The following KLF4 variants were observed in gnomAD, a reference collection of about 807,000 sequenced individuals.
KLF4 encodes KLF transcription factor 4.
In KLF4, 14 loss-of-function variants were observed where a neutral mutation model predicts 38.0. That is an observed-to-expected ratio of 0.37 (90% CI 0.24 to 0.58). The LOEUF (loss-of-function observed/expected upper bound fraction) is 0.58, where lower values mean the gene tolerates loss of function less well. KLF4 is among the 20% of genes least tolerant of loss of function. KLF4 has a pLI of 0.76. For synonymous variants in KLF4, 398 were observed against 302.5 expected, an observed-to-expected ratio of 1.32 and a Z score of -3.28; for missense variants, 737 against 670.1, an observed-to-expected ratio of 1.10 and a Z score of -1.10.
In KLF4 at chr9:107,489,530, G is replaced by T. The variant is rs1344795194; in HGVS notation, c.-358C>A. On this transcript the variant is annotated 5_prime_UTR_variant, in exon 1 of 5. The change creates a new upstream start codon in the 5' untranslated region. Coordinates refer to ENST00000374672, the MANE Select transcript of KLF4 (RefSeq NM_004235.6). The stretch of plus-strand genomic sequence containing the variant: ...GGGCGGTGGGCGGGCGGTGCCGCCA[G>T]GTGAGACTGGCTGCCGTGGCGCGGA... The T allele has an allele frequency of 1.5e-5, 4 of 271,736 alleles. No homozygotes were observed. The highest frequency in any genetic ancestry group is 2.2e-5 in the African/African-American group (1 of 45,994). 16.8% of individuals were successfully genotyped at this position (271,736 alleles called of 1,614,324 possible).
rs1587921059 is a variant in KLF4 at position 107,487,308 on chromosome 9, C to T, written c.1086G>A (p.Pro362=). Residue 362 remains proline (P), a synonymous_variant, in exon 3 of 5, where the codon CCG becomes CCA. Coordinates refer to ENST00000374672, the MANE Select transcript of KLF4 (RefSeq NM_004235.6). This position sits in a 1 kb window ranked among gnomAD's most constrained non-coding sequence, Gnocchi z 6.1. Reference sequence around the variant, plus strand: ...CCCGGGACTGACCTTGGTAATGGAGCGGCGGGACTTGCGGCTGCATCTGAT... The same window carrying T: ...CCCGGGACTGACCTTGGTAATGGAGTGGCGGGACTTGCGGCTGCATCTGAT... ...LPDQMQPQVP[P]LHYQELMPPG... The T allele has an allele frequency of 6.3e-7, 1 of 1,576,914 alleles. No homozygotes were observed. The highest frequency in any genetic ancestry group is 1.2e-5 in the South Asian group (1 of 84,488).
In KLF4 at chr9:107,488,748, C is replaced by T. The variant is rs1829136286; in HGVS notation, c.126+182G>A. ...GCCCCAGGCGGCTCCGCAGTGCTCG[C>T]ACCACGGGCATACACAGCTGAGCCA... On this transcript the variant is annotated intron_variant, in intron 2 of 4. Coordinates refer to ENST00000374672, the MANE Select transcript of KLF4 (RefSeq NM_004235.6). The surrounding 1 kb of genome is among the most constrained non-coding windows in gnomAD (Gnocchi z 5.7). Among the ~76,000 whole-genome samples the T allele has an allele frequency of 6.6e-6, 1 of 152,224 alleles. No homozygotes were observed. Among genetic ancestry groups the T allele is most frequent in the South Asian group, 2.1e-4 (1 of 4,834 alleles).
Position 107,487,992 on chromosome 9 carries a change from C to T in KLF4, c.402G>A (p.Ser134=). The change falls in exon 3 of 5, where the codon TCG becomes TCA. Residue 134 remains serine, a synonymous_variant. Transcript: ENST00000374672. This position sits in a 1 kb window ranked among gnomAD's most constrained non-coding sequence, Gnocchi z 6.1. ...TGGCAGGGCCGCTGCTCGACGGCGACGACGAAGAGGAGGCTGACGCTGACG... is the reference window on the plus strand; with the variant it reads ...TGGCAGGGCCGCTGCTCGACGGCGATGACGAAGAGGAGGCTGACGCTGACG... ...VSSSASASSS[S]SPSSSGPASA... 1.3e-6 allele frequency: 2 copies of T among 1,597,516 alleles called. No individual in the cohort carries two copies. The highest frequency in any genetic ancestry group is 2.3e-5 in the East Asian group (1 of 43,972).
intron 4 of KLF4, among the ~76,000 whole-genome samples, chr9:107,486,715 G>A (rs1386905462): frequency 6.6e-6 from 1 of 152,026 alleles, no homozygotes; most frequent in Non-Finnish European, 1.5e-5. Flanking sequence ...AGCTAGGAGA[G>A]GCCCACAGAC....
In KLF4 at chr9:107,485,638, C is replaced by CATGATT; in HGVS notation, c.*107_*112dup. 9.4e-7 allele frequency: 1 copy of CATGATT among 1,066,222 alleles called. No homozygotes were observed. Among genetic ancestry groups the CATGATT allele is most frequent in the East Asian group, 2.8e-5 (1 of 36,312 alleles). The allele number at this position is 1,066,222 out of a possible 1,614,324, so 66.0% of individuals were successfully genotyped here. ...AAGATGACTCAGTTGGGAACTTGAC[C>CATGATT]ATGATTGTAGTGCTTTCTGGCTGGG... On this transcript the variant is annotated 3_prime_UTR_variant, in exon 5 of 5. Coordinates refer to ENST00000374672, the MANE Select transcript of KLF4 (RefSeq NM_004235.6). This position sits in a 1 kb window ranked among gnomAD's most constrained non-coding sequence, Gnocchi z 4.9.
chr9:107,488,174 G>C lies in KLF4; in HGVS notation c.220C>G (p.Leu74Val). ...DLAAATVATD[L>V]ESGGAGAACG... ...GCCGCACCGGCTCCGCCGCTCTCCA[G>C]GTCTGTGGCCACGGTCGCCGCCGCC... Residue 74 changes from leucine to valine, a missense_variant, in exon 3 of 5, where the codon CTG becomes GTG. By Grantham distance (32) the Leu-to-Val change is conservative (BLOSUM62 1). Around this residue, in one of 2 missense-constraint regions of KLF4, gnomAD observed 695 missense variants for 554.5 expected, o/e 1.25. Coordinates refer to ENST00000374672, the MANE Select transcript of KLF4 (RefSeq NM_004235.6). This position sits in a 1 kb window ranked among gnomAD's most constrained non-coding sequence, Gnocchi z 5.7. 5 of 1,612,572 alleles carry C rather than the reference G, an allele frequency of 3.1e-6. No individual in the cohort carries two copies. The highest frequency in any genetic ancestry group is 1.1e-5 in the South Asian group (1 of 91,072).
In KLF4 at chr9:107,488,754, G is replaced by A. The variant is rs931980929; in HGVS notation, c.126+176C>T. On this transcript the variant is annotated intron_variant, in intron 2 of 4. Transcript: ENST00000374672. The surrounding 1 kb of genome is among the most constrained non-coding windows in gnomAD (Gnocchi z 5.7). ...GGCGGCTCCGCAGTGCTCGCACCAC[G>A]GGCATACACAGCTGAGCCAAGGACA... is the stretch of plus-strand genomic sequence containing the variant. Among the ~76,000 whole-genome samples, 9 of 152,322 alleles carry A rather than the reference G, an allele frequency of 5.9e-5. No homozygotes were observed. The highest frequency in any genetic ancestry group is 2.2e-4 in the African/African-American group (9 of 41,576).
At position 107,489,369 on chromosome 9, in the gene KLF4, T is replaced by C; in HGVS notation, c.-197A>G. ...TATACAAAAGTTCTTAGAAAAGTTG[T>C]AAACGCAAAAATAGACAATCAGCAA... On this transcript the variant is annotated 5_prime_UTR_variant, in exon 1 of 5. Transcript: ENST00000374672. The C allele has an allele frequency of 1.5e-6, 1 of 677,434 alleles. No homozygotes were observed. The highest frequency in any genetic ancestry group is 3.2e-5 in the South Asian group (1 of 31,422). 42.0% of individuals were successfully genotyped at this position (677,434 alleles called of 1,614,324 possible).
At position 107,488,606 on chromosome 9, in the gene KLF4, C is replaced by T. The variant is rs1829133210; in HGVS notation, c.126+324G>A. ...CGCTCTCGCCACGGGGCCGCCTACG[C>T]GCTAAACTCACTCTGGCCCAGCCAG... On this transcript the variant is annotated intron_variant, in intron 2 of 4. Coordinates refer to ENST00000374672, the MANE Select transcript of KLF4 (RefSeq NM_004235.6). This position sits in a 1 kb window ranked among gnomAD's most constrained non-coding sequence, Gnocchi z 5.7. Among the ~76,000 whole-genome samples, 1 of 152,178 alleles carries T rather than the reference C, an allele frequency of 6.6e-6. No individual in the cohort carries two copies. The highest frequency in any genetic ancestry group is 6.5e-5 in the Admixed American group (1 of 15,292).
In KLF4 at chr9:107,488,726, C is replaced by A. The variant is rs545625532; in HGVS notation, c.126+204G>T. 5.9e-5 allele frequency among the ~76,000 whole-genome samples: 9 copies of A among 152,324 alleles called. No homozygotes were observed. Among genetic ancestry groups the A allele is most frequent in the African/African-American group, 2.2e-4 (9 of 41,580 alleles). On this transcript the variant is annotated intron_variant, in intron 2 of 4. Transcript: ENST00000374672. The surrounding 1 kb of genome is among the most constrained non-coding windows in gnomAD (Gnocchi z 5.7). ...GACTGGTGAAGACCCGGCTTGCGCC[C>A]CAGGCGGCTCCGCAGTGCTCGCACC...
rs754610674 is a variant in KLF4 at position 107,487,468 on chromosome 9, C to G, written c.926G>C (p.Arg309Pro). 5 of 1,536,294 alleles carry G rather than the reference C, an allele frequency of 3.3e-6. No individual in the cohort carries two copies. The highest frequency in any genetic ancestry group is 1.8e-4 in the Middle Eastern group (1 of 5,700). Reference sequence around the variant, plus strand: ...CGGGGTAGTCCTGCTGGGGAGCTGCCGCCCCAGGGGGAAGTCGTGTGCAGC... The same window carrying G: ...CGGGGTAGTCCTGCTGGGGAGCTGCGGCCCCAGGGGGAAGTCGTGTGCAGC... Reference protein sequence around the residue: ...RPAAHDFPLGRQLPSRTTPTL... With the variant: ...RPAAHDFPLGPQLPSRTTPTL... Residue 309 changes from arginine (R) to proline (P), a missense_variant, in exon 3 of 5, where the codon CGG (arginine) becomes CCG (proline). Physicochemically the swap from Arg to Pro is moderately radical, Grantham distance 103 (BLOSUM62 -2). Coordinates refer to ENST00000374672, the MANE Select transcript of KLF4 (RefSeq NM_004235.6). This position sits in a 1 kb window ranked among gnomAD's most constrained non-coding sequence, Gnocchi z 6.1.
In KLF4 at chr9:107,487,477, G is replaced by A. The variant is rs1307874181; in HGVS notation, c.917C>T (p.Pro306Leu). ...CCTGCTGGGGAGCTGCCGCCCCAGG[G>A]GGAAGTCGTGTGCAGCCGGCCGGTG... is the stretch of plus-strand genomic sequence containing the variant. ...NGHRPAAHDF[P>L]LGRQLPSRTT... The change falls in exon 3 of 5, where the codon CCC becomes CTC. Residue 306 changes from proline (P) to leucine (L), a missense_variant. Pro to Leu is a moderately conservative substitution (Grantham distance 98). Coordinates refer to ENST00000374672, the MANE Select transcript of KLF4 (RefSeq NM_004235.6). This position sits in a 1 kb window ranked among gnomAD's most constrained non-coding sequence, Gnocchi z 6.1. 4 of 1,541,368 alleles carry A rather than the reference G, an allele frequency of 2.6e-6. No homozygotes were observed. The highest frequency in any genetic ancestry group is 3.5e-6 in the Non-Finnish European group (4 of 1,145,720).
In KLF4 at chr9:107,488,191, G is replaced by A. The variant is rs201986818; in HGVS notation, c.203C>T (p.Ala68Val). The A allele has an allele frequency of 3.7e-6, 6 of 1,612,008 alleles. No homozygotes were observed. Among genetic ancestry groups the A allele is most frequent in the Non-Finnish European group, 4.2e-6 (5 of 1,179,700 alleles). The change falls in exon 3 of 5, where the codon GCG (alanine) becomes GTG (valine). Residue 68 changes from alanine (A) to valine (V), a missense_variant. Ala to Val is a moderately conservative substitution (Grantham distance 64). This residue lies in a region of KLF4 where 695 missense variants were observed against 554.5 expected (regional missense o/e 1.25). Coordinates refer to ENST00000374672, the MANE Select transcript of KLF4 (RefSeq NM_004235.6). The surrounding 1 kb of genome is among the most constrained non-coding windows in gnomAD (Gnocchi z 5.7). ...LPGRPYDLAAATVATDLESGG... is the reference protein window; with the variant it reads ...LPGRPYDLAAVTVATDLESGG... ...GCTCTCCAGGTCTGTGGCCACGGTC[G>A]CCGCCGCCAGGTCATAGGGGCGGCC...
chr9:107,485,626 TG>T lies in KLF4; in HGVS notation c.*124del, dbSNP rs1187142694. On this transcript the variant is annotated 3_prime_UTR_variant, in exon 5 of 5. Coordinates refer to ENST00000374672, the MANE Select transcript of KLF4 (RefSeq NM_004235.6). This position sits in a 1 kb window ranked among gnomAD's most constrained non-coding sequence, Gnocchi z 4.9. ...TTATCCACTCACAAGATGACTCAGTTGGGAACTTGACCATGATTGTAGTGCT... is the reference window on the plus strand; with the variant it reads ...TTATCCACTCACAAGATGACTCAGTTGGAACTTGACCATGATTGTAGTGCT... 1.1e-6 allele frequency: 1 copy of T among 934,330 alleles called. No individual in the cohort carries two copies. The highest frequency in any genetic ancestry group is 1.7e-5 in the African/African-American group (1 of 58,246). 57.9% of individuals were successfully genotyped at this position (934,330 alleles called of 1,614,324 possible). A position where few individuals can be genotyped will look rare whatever the true frequency, so the allele number is the denominator to read the frequency against.
intron 4 of KLF4, among the ~76,000 whole-genome samples, chr9:107,486,642 AT>A (rs138803751): frequency 0.011 from 1,625 of 152,174 alleles, 14 homozygotes; most frequent in Middle Eastern, 0.041. Flanking sequence ...TTAAAAAACG[AT>A]TTTTTTAAAA....
In KLF4 at chr9:107,487,711, T is replaced by G; in HGVS notation, c.683A>C (p.Lys228Thr). 6.2e-7 allele frequency: 1 copy of G among 1,603,134 alleles called. No homozygotes were observed. The highest frequency in any genetic ancestry group is 8.5e-7 in the Non-Finnish European group (1 of 1,176,244). The change falls in exon 3 of 5, where the codon AAG becomes ACG. Residue 228 changes from lysine to threonine, a missense_variant. Transcript: ENST00000374672. The surrounding 1 kb of genome is among the most constrained non-coding windows in gnomAD (Gnocchi z 6.1). ...GCTCAGCGACGCCTTCAGCACGAACTTGCCCATCAGCCCGCCACCTGGCGG... is the reference window on the plus strand; with the variant it reads ...GCTCAGCGACGCCTTCAGCACGAACGTGCCCATCAGCCCGCCACCTGGCGG... The part of the protein sequence containing the change: ...PQPPGGGLMG[K>T]FVLKASLSAP...
In KLF4 at chr9:107,485,643, T is replaced by C; in HGVS notation, c.*108A>G. On this transcript the variant is annotated 3_prime_UTR_variant, in exon 5 of 5. Transcript: ENST00000374672. This position sits in a 1 kb window ranked among gnomAD's most constrained non-coding sequence, Gnocchi z 4.9. ...GACTCAGTTGGGAACTTGACCATGA[T>C]TGTAGTGCTTTCTGGCTGGGCTCCT... 9.1e-7 allele frequency: 1 copy of C among 1,101,732 alleles called. No homozygotes were observed. The highest frequency in any genetic ancestry group is 1.3e-6 in the Non-Finnish European group (1 of 789,174). The allele number at this position is 1,101,732 out of a possible 1,614,324, so 68.2% of individuals were successfully genotyped here.
Position 107,489,329 on chromosome 9 carries a change from T to C in KLF4, c.-157A>G, listed in dbSNP as rs45531231. ...AAATATAACTTGGAAGCGTCTTTTT[T>C]AAAAAGTTCCTTTGTATACAAAAGT... On this transcript the variant is annotated 5_prime_UTR_variant, in exon 1 of 5. Coordinates refer to ENST00000374672, the MANE Select transcript of KLF4 (RefSeq NM_004235.6). 6 of 1,043,108 alleles carry C rather than the reference T, an allele frequency of 5.8e-6. No individual in the cohort carries two copies. In the South Asian group the frequency reaches 6.3e-5, roughly 11 times the overall value. The allele number at this position is 1,043,108 out of a possible 1,614,324, so 64.6% of individuals were successfully genotyped here. A position where few individuals can be genotyped will look rare whatever the true frequency, so the allele number is the denominator to read the frequency against.
intron 1 of KLF4, 41 bp downstream of exon 1, chr9:107,489,127 C>A: frequency 6.5e-7 from 1 of 1,547,216 alleles, no homozygotes; most frequent in Non-Finnish European, 8.7e-7. Flanking sequence ...TCCCACCGGT[C>A]CTCACCCCTC....
Sources: gnomAD v4.1 joint callset for allele counts (sites outside exome capture counted in the v4.1 genomes callset) on GRCh38, gnomAD v4.1.1 for gene constraint, gnomAD v4.1.1 regional missense constraint, Gnocchi (gnomAD v3.1) non-coding constraint, MANE v1.5 for transcripts, NCBI Gene and HGNC (gene_info 2026-07-23, HGNC 2026-07-21) for gene names.